VPS13B: variants seen among roughly 807,000 people sequenced by gnomAD.
VPS13B encodes the protein intermembrane lipid transfer protein VPS13B.
VPS13B carries 285 observed loss-of-function variants against 426.4 expected under a neutral mutation model. That is an observed-to-expected ratio of 0.67 (90% CI 0.61 to 0.74). The LOEUF (loss-of-function observed/expected upper bound fraction) is 0.74. VPS13B is among the 30% of genes least tolerant of loss of function. The probability of loss-of-function intolerance (pLI) is 0.00; values close to 1 mark genes in which losing one functional copy is unlikely to be tolerated. For missense variants in VPS13B, 4,537 were observed against 4,782.6 expected (o/e 0.95, Z 1.51); for synonymous variants, 1,676 against 1,676.4 (o/e 1.00, Z 0.01).
chr8:99,658,816 TTG>T, intron 34 of VPS13B, among the ~76,000 whole-genome samples: 1 of 152,078 alleles, frequency 6.6e-6, no homozygotes, highest in Non-Finnish European at 1.5e-5. Flanking sequence ...GTTGTTGTTT[TTG>T]TTTTTGTTTT....
intron 30 of VPS13B, among the ~76,000 whole-genome samples, chr8:99,525,496 A>G (rs1323940413): frequency 7.2e-5 from 11 of 152,226 alleles, no homozygotes. Flanking sequence ...TCATTAAATC[A>G]GTGGATGTTA....
intron 39 of VPS13B, among the ~76,000 whole-genome samples, chr8:99,723,662 C>G (rs762268620): frequency 1.2e-4 from 19 of 152,072 alleles, no homozygotes; most frequent in Non-Finnish European, 2.6e-4. Context: ...TCCAGGAGAT[C>G]AGAGAGTCCC....
intron 21 of VPS13B, among the ~76,000 whole-genome samples, chr8:99,425,947 C>T (rs1156567669): frequency 6.6e-6 from 1 of 151,948 alleles, no homozygotes; most frequent in Non-Finnish European, 1.5e-5. Context: ...TTTTAGGGTA[C>T]TTGTGCACAT....
intron 33 of VPS13B, among the ~76,000 whole-genome samples, chr8:99,623,994 C>CATACATAT (rs1554877591): frequency 5.6e-4 from 30 of 53,936 alleles, no homozygotes; most frequent in East Asian, 5.5e-3. Flanking sequence ...ATGAAACATA[C>CATACATAT]ATATATATAT....
chr8:99,764,475 G>GC (rs1811105554), intron 39 of VPS13B, among the ~76,000 whole-genome samples: 1 of 146,536 alleles, frequency 6.8e-6, no homozygotes, highest in South Asian at 2.2e-4. Context: ...GTGCAGTGGC[G>GC]CGATCTTGGC....
At chr8:99,530,842 C>T (rs549835345) in intron 30 of VPS13B, among the ~76,000 whole-genome samples, 2 of 152,186 alleles carry the variant, frequency 1.3e-5, no homozygotes, top group Admixed American at 6.5e-5. Context: ...CTAGGCCACA[C>T]GTAATAAGTG....
intron 21 of VPS13B, among the ~76,000 whole-genome samples, chr8:99,404,926 T>G (rs1044014142): frequency 6.6e-6 from 1 of 152,216 alleles, no homozygotes; most frequent in African/African-American, 2.4e-5. Flanking sequence ...AAGATCATAT[T>G]TTTGATGTTT....
intron 39 of VPS13B, among the ~76,000 whole-genome samples, chr8:99,746,754 G>T (rs1002518494): frequency 2.0e-5 from 3 of 151,894 alleles, no homozygotes; most frequent in Non-Finnish European, 4.4e-5. Context: ...GAGTAAACTA[G>T]ATTAAAAGTA....
At chr8:99,116,050 T>C (rs1847638793) in intron 7 of VPS13B, among the ~76,000 whole-genome samples, 176 bp downstream of exon 7, 1 of 152,162 alleles carries the variant, frequency 6.6e-6, no homozygotes, top group Non-Finnish European at 1.5e-5. Flanking sequence ...TGTTTTGAGA[T>C]GGAGACTAGC....
intron 19 of VPS13B, among the ~76,000 whole-genome samples, chr8:99,378,112 C>A (rs1379566465): frequency 6.8e-6 from 1 of 148,054 alleles, no homozygotes; most frequent in Non-Finnish European, 1.5e-5. Flanking sequence ...AAGGCGGACA[C>A]CCCCAGAGCG....
chr8:99,779,817 G>C (rs1189515974), intron 42 of VPS13B, among the ~76,000 whole-genome samples: 1 of 152,106 alleles, frequency 6.6e-6, no homozygotes, highest in Non-Finnish European at 1.5e-5. Context: ...TTTCCATCAA[G>C]TTTGTGTTGC....
chr8:99,783,395 T>C (rs1812113084), intron 42 of VPS13B, among the ~76,000 whole-genome samples: 1 of 152,244 alleles, frequency 6.6e-6, no homozygotes, highest in South Asian at 2.1e-4. Context: ...GTTTTTCTTA[T>C]ATTCTCAAGT....
intron 39 of VPS13B, among the ~76,000 whole-genome samples, chr8:99,737,492 C>T (rs1833893447): frequency 6.6e-6 from 1 of 152,134 alleles, no homozygotes; most frequent in Non-Finnish European, 1.5e-5. Flanking sequence ...TTTGAAATCA[C>T]CTCTTGTTTT....
chr8:99,193,056 A>G lies in VPS13B; in HGVS notation c.2514A>G (p.Ile838Met), dbSNP rs763636307. 7 of 1,613,390 alleles carry G rather than the reference A, an allele frequency of 4.3e-6. No homozygotes were observed. Among genetic ancestry groups the G allele is most frequent in the Admixed American group, 3.3e-5 (2 of 60,006 alleles). The change falls in exon 17 of 62, where the codon ATA becomes ATG. Residue 838 changes from isoleucine to methionine, a missense_variant and splice_region_variant. By Grantham distance (10) the Ile-to-Met change is conservative. Coordinates refer to ENST00000357162, the MANE Select transcript of VPS13B (RefSeq NM_152564.5). Reference protein sequence around the residue: ...EALINEIFLSIGVKSKNPLPT... With the variant: ...EALINEIFLSMGVKSKNPLPT... ...TGATAAATGAAATCTTCCTAAGTATAGGTAAGAGCACAGTCTTTTTGATAA... is the reference window on the plus strand; with the variant it reads ...TGATAAATGAAATCTTCCTAAGTATGGGTAAGAGCACAGTCTTTTTGATAA...
At chr8:99,391,468 G>A (rs1814444929) in intron 20 of VPS13B, 89 bp from the exon 21 acceptor site, 2 of 1,597,058 alleles carry the variant, frequency 1.3e-6, no homozygotes, top group Non-Finnish European at 1.7e-6. Flanking sequence ...GTGAAGGACT[G>A]TCCTCAGTAT....
intron 3 of VPS13B, among the ~76,000 whole-genome samples, chr8:99,086,526 A>C (rs991163767): frequency 6.6e-6 from 1 of 152,048 alleles, no homozygotes; most frequent in Non-Finnish European, 1.5e-5. Flanking sequence ...TTGGAGGAGG[A>C]GAGGTGCTCT....
At chr8:99,617,458 GC>G (rs1828144229) in intron 33 of VPS13B, among the ~76,000 whole-genome samples, 1 of 151,994 alleles carries the variant, frequency 6.6e-6, no homozygotes, top group African/African-American at 2.4e-5. Context: ...GTTCCTAGTA[GC>G]TGGGATATGG....
At chr8:99,672,469 A>T (rs1159645372) in intron 35 of VPS13B, among the ~76,000 whole-genome samples, 1 of 152,092 alleles carries the variant, frequency 6.6e-6, no homozygotes, top group Non-Finnish European at 1.5e-5. Context: ...GCTGATTTTT[A>T]ATCACGCAAA....
intron 17 of VPS13B, among the ~76,000 whole-genome samples, chr8:99,261,918 G>A (rs1309784921): frequency 6.6e-6 from 1 of 152,088 alleles, no homozygotes; most frequent in African/African-American, 2.4e-5. Context: ...GCTTTAAATT[G>A]AGGCATTTAA....
Sources: gnomAD v4.1 joint callset for allele counts (sites outside exome capture counted in the v4.1 genomes callset) on GRCh38, gnomAD v4.1.1 for gene constraint, MANE v1.5 for transcripts, NCBI Gene and HGNC (gene_info 2026-07-23, HGNC 2026-07-21) for gene names.